The following HLCS variants were observed in gnomAD, a reference collection of about 807,000 sequenced individuals.
HLCS encodes biotin--protein ligase.
A neutral mutation model predicts 75.0 loss-of-function variants in HLCS; 53 were observed. That is an observed-to-expected ratio of 0.71 (90% CI 0.57 to 0.89). HLCS has a LOEUF of 0.89. Among genes scored for constraint, HLCS ranks in the 40% least tolerant of loss-of-function variants. The pLI is 0.00. For missense variants in HLCS, 966 were observed against 1,074.0 expected (o/e 0.90, Z 1.41); for synonymous variants, 431 against 428.6 (o/e 1.01, Z -0.07).
intron 5 of HLCS, among the ~76,000 whole-genome samples, chr21:36,897,636 G>A (rs1331700729): frequency 6.6e-6 from 1 of 152,204 alleles, no homozygotes; most frequent in Non-Finnish European, 1.5e-5. Flanking sequence ...GCTTCCTCTT[G>A]TAAAGACAAG....
At chr21:36,803,332 A>G (rs2061265180) in intron 6 of HLCS, among the ~76,000 whole-genome samples, 1 of 152,254 alleles carries the variant, frequency 6.6e-6, no homozygotes, top group South Asian at 2.1e-4. Context: ...CTGCCTAGAG[A>G]GCATCAGTAT....
intron 2 of HLCS, among the ~76,000 whole-genome samples, chr21:36,939,234 A>T (rs535500524): frequency 6.6e-6 from 1 of 152,352 alleles, no homozygotes; most frequent in African/African-American, 2.4e-5. Flanking sequence ...TTTAAAAGTA[A>T]CTGAAGTCTC....
rs569334767 is a variant in HLCS at position 36,913,554 on chromosome 21, A to G, written c.1621-16423T>C. Among the ~76,000 whole-genome samples, 10 of 152,204 alleles carry G rather than the reference A, an allele frequency of 6.6e-5. No individual in the cohort carries two copies. The East Asian group carries it at 1.7e-3, about 26-fold the overall frequency. On this transcript the variant is annotated intron_variant, in intron 5 of 10. Transcript: ENST00000674895. Reference sequence around the variant, plus strand: ...GGCAGGCAGATCACCTGAGGCCAGGAGTTTGAGACCAGCCTGGCCAACATC... The same window carrying G: ...GGCAGGCAGATCACCTGAGGCCAGGGGTTTGAGACCAGCCTGGCCAACATC...
At chr21:36,964,170 A>G (rs376172098) in intron 1 of HLCS, among the ~76,000 whole-genome samples, 1 of 152,200 alleles carries the variant, frequency 6.6e-6, no homozygotes. Flanking sequence ...GATTGCAGTG[A>G]GCGGAGATCG....
Position 36,937,260 on chromosome 21 carries a change from C to G in HLCS, c.626G>C (p.Gly209Ala). 2.5e-6 allele frequency: 4 copies of G among 1,614,036 alleles called. No homozygotes were observed. Among genetic ancestry groups the G allele is most frequent in the Non-Finnish European group, 3.4e-6 (4 of 1,179,964 alleles). Residue 209 changes from glycine to alanine, a missense_variant, in exon 4 of 11, where the codon GGC (glycine) becomes GCC (alanine). Coordinates refer to ENST00000674895, the MANE Select transcript of HLCS (RefSeq NM_001352514.2). ...ACCAAGAGCCTTTGGGTCATCTCTG[C>G]CAACATGCTCCATACCGTCCTGCTC... ...KPEQDGMEHVGRDDPKALGEE... is the reference protein window; with the variant it reads ...KPEQDGMEHVARDDPKALGEE...
At chr21:36,945,263 C>A (rs1217649209) in intron 2 of HLCS, among the ~76,000 whole-genome samples, 1 of 151,408 alleles carries the variant, frequency 6.6e-6, no homozygotes, top group African/African-American at 2.4e-5. Flanking sequence ...TATGTTGTAC[C>A]CCATAAATAT....
At chr21:36,845,178 C>A (rs185537468) in intron 6 of HLCS, among the ~76,000 whole-genome samples, 2 of 152,244 alleles carry the variant, frequency 1.3e-5, no homozygotes, top group Admixed American at 6.5e-5. Context: ...AGTCACTGCA[C>A]ACCTTTTGCC....
At chr21:36,864,691 T>TA (rs2063497359) in intron 6 of HLCS, among the ~76,000 whole-genome samples, 1 of 152,342 alleles carries the variant, frequency 6.6e-6, no homozygotes, top group African/African-American at 2.4e-5. Context: ...AAGTATTATG[T>TA]ATAACTTGAA....
At chr21:36,871,078 C>T (rs147585363) in intron 6 of HLCS, among the ~76,000 whole-genome samples, 49 of 152,214 alleles carry the variant, frequency 3.2e-4, no homozygotes, top group Non-Finnish European at 5.6e-4. Flanking sequence ...TGAGACCGGC[C>T]GTGTGCCCAG....
intron 5 of HLCS, among the ~76,000 whole-genome samples, chr21:36,905,101 A>C (rs879585538): frequency 3.3e-5 from 5 of 152,256 alleles, no homozygotes; most frequent in Admixed American, 3.3e-4. Flanking sequence ...ACGACTATAC[A>C]TAATTTGTAT....
At chr21:36,826,826 G>C (rs1476939227) in intron 6 of HLCS, among the ~76,000 whole-genome samples, 1 of 152,178 alleles carries the variant, frequency 6.6e-6, no homozygotes. Context: ...CTGCTATACT[G>C]CCTCCCAGTA....
chr21:36,818,164 G>T (rs1193983846), intron 6 of HLCS, among the ~76,000 whole-genome samples: 2 of 152,140 alleles, frequency 1.3e-5, no homozygotes, highest in Non-Finnish European at 2.9e-5. Flanking sequence ...TGTCAATAAA[G>T]GGAAAAAAGT....
chr21:36,840,769 C>T (rs551192841), intron 6 of HLCS, among the ~76,000 whole-genome samples: 6 of 152,174 alleles, frequency 3.9e-5, no homozygotes, highest in East Asian at 1.9e-4. Flanking sequence ...CCCACCACCA[C>T]GCCTGGCTAA....
chr21:36,896,896 G>A lies in HLCS; in HGVS notation c.1856C>T (p.Ala619Val), dbSNP rs767190021. 2.5e-6 allele frequency: 4 copies of A among 1,613,992 alleles called. No individual in the cohort carries two copies. Among genetic ancestry groups the A allele is most frequent in the Non-Finnish European group, 3.4e-6 (4 of 1,180,034 alleles). The change falls in exon 6 of 11, where the codon GCC becomes GTC. Residue 619 changes from alanine (A) to valine (V), a missense_variant. Ala to Val is a moderately conservative substitution (Grantham distance 64). Coordinates refer to ENST00000674895, the MANE Select transcript of HLCS (RefSeq NM_001352514.2). ...TKQLGKVILF[A>V]EVTPTTMRLL... ...ACGCATCGTTGTGGGGGTCACTTCG[G>A]CAAACAAAATTACTTTCCCCAACTG...
At chr21:36,844,637 C>T (rs1273147974) in intron 6 of HLCS, among the ~76,000 whole-genome samples, 3 of 151,276 alleles carry the variant, frequency 2.0e-5, no homozygotes, top group Non-Finnish European at 4.4e-5. Context: ...TTGTCACTCA[C>T]GGTCAGTGAT....
At chr21:36,968,194 G>A (rs762373), upstream of HLCS, among the ~76,000 whole-genome samples, 62,219 of 151,842 alleles carry the variant, frequency 0.41, 13,476 homozygotes, top group South Asian at 0.53. Context: ...TCGCTGTGTC[G>A]CCCAGGCTGG....
chr21:36,769,351 G>A (rs181591713), intron 6 of HLCS, among the ~76,000 whole-genome samples: 2 of 152,320 alleles, frequency 1.3e-5, no homozygotes, highest in Admixed American at 6.5e-5. Flanking sequence ...AAACCGCATG[G>A]CTCACAGTCA....
intron 5 of HLCS, among the ~76,000 whole-genome samples, chr21:36,910,229 A>G (rs1310140625): frequency 6.6e-6 from 1 of 152,238 alleles, no homozygotes; most frequent in Non-Finnish European, 1.5e-5. Flanking sequence ...CAGATGGCAC[A>G]GCAAATCTTT....
intron 6 of HLCS, among the ~76,000 whole-genome samples, chr21:36,892,629 G>A (rs1268376577): frequency 6.6e-6 from 1 of 152,230 alleles, no homozygotes; most frequent in African/African-American, 2.4e-5. Context: ...TGGAGGGGAA[G>A]ACAAATGCAT....
Sources: gnomAD v4.1 joint callset for allele counts (sites outside exome capture counted in the v4.1 genomes callset) on GRCh38, gnomAD v4.1.1 for gene constraint, MANE v1.5 for transcripts, NCBI Gene and HGNC (gene_info 2026-07-23, HGNC 2026-07-21) for gene names.